C9orf152: variants seen among roughly 807,000 people sequenced by gnomAD.
The protein encoded by C9orf152 is uncharacterized protein C9orf152.
A neutral mutation model predicts 8.5 loss-of-function variants in C9orf152; 8 were observed. That is an observed-to-expected ratio of 0.94 (90% CI 0.55 to 1.70). The LOEUF (loss-of-function observed/expected upper bound fraction) is 1.70, where lower values mean the gene tolerates loss of function less well. Ranked by LOEUF, C9orf152 falls within the 40% of genes most tolerant of loss-of-function variation. The pLI is 0.00. For synonymous variants in C9orf152, 109 were observed against 113.0 expected, an observed-to-expected ratio of 0.96 and a Z score of 0.22; for missense variants, 293 against 286.2, an observed-to-expected ratio of 1.02 and a Z score of -0.17.
chr9:110,201,285 T>C lies in C9orf152; in HGVS notation c.383A>G (p.Gln128Arg). The change falls in exon 2 of 2, where the codon CAA (glutamine) becomes CGA (arginine). Residue 128 changes from glutamine to arginine, a missense_variant. Coordinates refer to ENST00000400613, the MANE Select transcript of C9orf152 (RefSeq NM_001012993.3). The part of the protein sequence containing the change: ...HTHLEMHCLV[Q>R]TSPQDTSHQV... ...ATGACTGGTGTCCTGGGGGGAGGTT[T>C]GGACCAAACAATGCATCTCCAGGTG... 6.2e-7 allele frequency: 1 copy of C among 1,614,086 alleles called. No individual in the cohort carries two copies. Among genetic ancestry groups the C allele is most frequent in the South Asian group, 1.1e-5 (1 of 91,076 alleles).
intron 1 of C9orf152, among the ~76,000 whole-genome samples, chr9:110,206,236 A>G (rs1264840282): frequency 6.6e-6 from 1 of 152,170 alleles, no homozygotes; most frequent in Admixed American, 6.5e-5. Context: ...AGCAGGAGAA[A>G]GGACGAGCAC....
rs1359865996 is a variant in C9orf152 at position 110,201,493 on chromosome 9, A to C, written c.194-19T>G. ...TTTCCTCCTGAAAAGAGAATGCACC[A>C]GCAGGGTCATCACTGGAAGGGACAG... On this transcript the variant is annotated intron_variant, in intron 1 of 1. Coordinates refer to ENST00000400613, the MANE Select transcript of C9orf152 (RefSeq NM_001012993.3). 2 of 1,501,048 alleles carry C rather than the reference A, an allele frequency of 1.3e-6. No homozygotes were observed. The highest frequency in any genetic ancestry group is 2.8e-5 in the African/African-American group (2 of 71,608). The allele number at this position is 1,501,048 out of a possible 1,614,324, so 93.0% of individuals were successfully genotyped here.
Position 110,201,325 on chromosome 9 carries a change from A to G in C9orf152, c.343T>C (p.Ser115Pro), listed in dbSNP as rs1837217922. ...ATCTCCAGGTGCGTGTGCCATGGAG[A>G]CTTGGGGGCCTGAAGGCAGCCCTGG... ...AAQGCLQAPK[S>P]PWHTHLEMHC... is the part of the protein sequence containing the mutation. Residue 115 changes from serine to proline, a missense_variant, in exon 2 of 2, where the codon TCT (serine) becomes CCT (proline). Ser to Pro is a moderately conservative substitution (Grantham distance 74, BLOSUM62 -1). Coordinates refer to ENST00000400613, the MANE Select transcript of C9orf152 (RefSeq NM_001012993.3). 6.2e-7 allele frequency: 1 copy of G among 1,612,560 alleles called. No homozygotes were observed. The highest frequency in any genetic ancestry group is 8.5e-7 in the Non-Finnish European group (1 of 1,179,332).
At position 110,201,459 on chromosome 9, in the gene C9orf152, G is replaced by A. The variant is rs199516049; in HGVS notation, c.209C>T (p.Ala70Val). The change falls in exon 2 of 2, where the codon GCT becomes GTT. Residue 70 changes from alanine to valine, a missense_variant. Transcript: ENST00000400613. ...LVLPKGGNTPAPAESMVNAVW... is the reference protein window; with the variant it reads ...LVLPKGGNTPVPAESMVNAVW... ...AGCATTGACCATCGATTCTGCAGGA[G>A]CAGGTGTGTTTCCTCCTGAAAAGAG... is the stretch of plus-strand genomic sequence containing the variant. 3.3e-5 allele frequency: 50 copies of A among 1,512,118 alleles called. No individual in the cohort carries two copies. Among genetic ancestry groups the A allele is most frequent in the Non-Finnish European group, 1.3e-5 (15 of 1,138,662 alleles). 93.7% of individuals were successfully genotyped at this position (1,512,118 alleles called of 1,614,324 possible).
In C9orf152 at chr9:110,200,341, G is replaced by A. The variant is rs1224742679; in HGVS notation, c.*607C>T. On this transcript the variant is annotated 3_prime_UTR_variant, in exon 2 of 2. Coordinates refer to ENST00000400613, the MANE Select transcript of C9orf152 (RefSeq NM_001012993.3). ...TAAAGACCCCTTAAAGACACAAAAT[G>A]GTAGGTAGCATTGATCTCACCTTCA... 1 of 152,266 alleles carries A rather than the reference G, an allele frequency of 6.6e-6. No homozygotes were observed. The highest frequency in any genetic ancestry group is 1.5e-5 in the Non-Finnish European group (1 of 68,152). 9.4% of individuals were successfully genotyped at this position (152,266 alleles called of 1,614,324 possible).
chr9:110,207,966 A>C lies in C9orf152; in HGVS notation c.-387T>G. ...GCAGGAGGAGGCAGGGAAAGGAGTG[A>C]TGGGGAGTGGGAGACCGAGAAGTAA... On this transcript the variant is annotated 5_prime_UTR_variant, in exon 1 of 2. Transcript: ENST00000400613. The C allele has an allele frequency of 4.8e-6, 1 of 210,332 alleles. No homozygotes were observed. The highest frequency in any genetic ancestry group is 9.3e-6 in the Non-Finnish European group (1 of 107,026). 13.0% of individuals were successfully genotyped at this position (210,332 alleles called of 1,614,324 possible).
intron 1 of C9orf152, among the ~76,000 whole-genome samples, chr9:110,202,490 C>T (rs1280219575): frequency 6.6e-6 from 1 of 152,198 alleles, no homozygotes; most frequent in Non-Finnish European, 1.5e-5. Context: ...TCTCCTAGTC[C>T]ACAGGCACTG....
At position 110,207,907 on chromosome 9, in the gene C9orf152, G is replaced by C. The variant is rs551229440; in HGVS notation, c.-328C>G. Reference sequence around the variant, plus strand: ...AGTGACAAGCGGGGATTAATGGGGCGAGAGAAGAAAGAGAGGGAGGAAGAT... The same window carrying C: ...AGTGACAAGCGGGGATTAATGGGGCCAGAGAAGAAAGAGAGGGAGGAAGAT... On this transcript the variant is annotated 5_prime_UTR_variant, in exon 1 of 2. Transcript: ENST00000400613. 7.7e-5 allele frequency: 20 copies of C among 259,502 alleles called. No individual in the cohort carries two copies. Among genetic ancestry groups the C allele is most frequent in the African/African-American group, 4.5e-4 (20 of 44,022 alleles). The allele number at this position is 259,502 out of a possible 1,614,324, so 16.1% of individuals were successfully genotyped here. A position where few individuals can be genotyped will look rare whatever the true frequency, so the allele number is the denominator to read the frequency against.
rs981893171 is a variant in C9orf152, at chr9:110,201,035, G to A, written c.633C>T (p.Gly211=). 2.5e-6 allele frequency: 4 copies of A among 1,614,102 alleles called. No individual in the cohort carries two copies. In the African/African-American group the frequency reaches 5.3e-5, roughly 22 times the overall value. The change falls in exon 2 of 2, where the codon GGC becomes GGT. Residue 211 remains glycine (G), a synonymous_variant. Transcript: ENST00000400613. ...GGGGAAATGGATAGTAAGCTGGTTT[G>A]CCAGACCTGTGTGGGTTCTTTATGG... ...PLSIKNPHRS[G]KPAYYPFPQR... is the part of the protein sequence containing the mutation.
chr9:110,202,155 A>G (rs993183395), intron 1 of C9orf152, among the ~76,000 whole-genome samples: 3 of 152,138 alleles, frequency 2.0e-5, no homozygotes, highest in Non-Finnish European at 4.4e-5. Flanking sequence ...ATCTTGGCTC[A>G]CTGCAACCTC....
rs915135098 is a variant in C9orf152, at chr9:110,207,565, G to A, written c.15C>T (p.Pro5=). The stretch of plus-strand genomic sequence containing the variant: ...AGTGGGGCAGGGCTGGGCACGGGCA[G>A]GGCAACCCCTCCATCCGGATCCGGG... The part of the protein sequence containing the change: MEGL[P]CPCPALPHFW... Residue 5 remains proline (P), a synonymous_variant, in exon 1 of 2, where the codon CCC becomes CCT. Transcript: ENST00000400613. 6 of 1,595,396 alleles carry A rather than the reference G, an allele frequency of 3.8e-6. No individual in the cohort carries two copies. Among genetic ancestry groups the A allele is most frequent in the Admixed American group, 1.8e-5 (1 of 56,022 alleles).
At chr9:110,203,854 C>T (rs773149081) in intron 1 of C9orf152, among the ~76,000 whole-genome samples, 5 of 152,036 alleles carry the variant, frequency 3.3e-5, no homozygotes, top group East Asian at 3.9e-4. Flanking sequence ...ATGAAGGAAG[C>T]GGGTGGAGAG....
intron 1 of C9orf152, among the ~76,000 whole-genome samples, chr9:110,203,080 T>A (rs1837240399): frequency 6.7e-6 from 1 of 149,084 alleles, no homozygotes; most frequent in Admixed American, 6.8e-5. Flanking sequence ...AATGGCGCGA[T>A]CTTGGCTCAC....
intron 1 of C9orf152, among the ~76,000 whole-genome samples, chr9:110,203,739 T>G (rs1405930848): frequency 6.6e-6 from 1 of 152,234 alleles, no homozygotes; most frequent in East Asian, 1.9e-4. Flanking sequence ...GTACTCGTTA[T>G]CTATAATACC....
chr9:110,207,300 C>A (rs1184087356), intron 1 of C9orf152, 87 bp downstream of exon 1: 1 of 1,468,848 alleles, frequency 6.8e-7, no homozygotes, highest in South Asian at 1.2e-5. Context: ...GGAGGGCTGG[C>A]AAAGCCCTGG....
intron 1 of C9orf152, among the ~76,000 whole-genome samples, chr9:110,205,800 G>A (rs188793708): frequency 3.2e-4 from 49 of 152,116 alleles, no homozygotes; most frequent in South Asian, 1.0e-3. Context: ...GGTGGTTCAC[G>A]CCCAGCACTT....
At position 110,200,311 on chromosome 9, in the gene C9orf152, C is replaced by T. The variant is rs1217151532; in HGVS notation, c.*637G>A. On this transcript the variant is annotated 3_prime_UTR_variant, in exon 2 of 2. Coordinates refer to ENST00000400613, the MANE Select transcript of C9orf152 (RefSeq NM_001012993.3). ...AGTGAGCAGTGACAGATGATTAGCC[C>T]TTTCTAAAGACCCCTTAAAGACACA... The T allele has an allele frequency of 1.3e-5, 2 of 152,178 alleles. No individual in the cohort carries two copies. The highest frequency in any genetic ancestry group is 2.9e-5 in the Non-Finnish European group (2 of 68,082). 9.4% of individuals were successfully genotyped at this position (152,178 alleles called of 1,614,324 possible). A position where few individuals can be genotyped will look rare whatever the true frequency, so the allele number is the denominator to read the frequency against.
Position 110,207,542 on chromosome 9 carries a change from TG to T in C9orf152, c.37del (p.His13ThrfsTer9). The part of the protein sequence containing the change: ...GLPCPCPALP[H>X]FWQLRSHLMA... ...TAAGTGAGACCTAAGCTGCCAGAAG[TG>T]GGGCAGGGCTGGGCACGGGCAGGGC... On this transcript the variant is annotated frameshift_variant, in exon 1 of 2. Transcript: ENST00000400613. LOFTEE classifies it high-confidence loss of function. The T allele has an allele frequency of 6.2e-7, 1 of 1,602,156 alleles. No homozygotes were observed. Among genetic ancestry groups the T allele is most frequent in the South Asian group, 1.1e-5 (1 of 89,538 alleles).
Position 110,207,864 on chromosome 9 carries a change from C to A in C9orf152, c.-285G>T, listed in dbSNP as rs915994344. 7.8e-6 allele frequency: 3 copies of A among 384,470 alleles called. No individual in the cohort carries two copies. The highest frequency in any genetic ancestry group is 1.4e-5 in the Non-Finnish European group (3 of 216,446). 23.8% of individuals were successfully genotyped at this position (384,470 alleles called of 1,614,324 possible). The stretch of plus-strand genomic sequence containing the variant: ...AGAAGGGGCAGCGAAGGGGGAAAGA[C>A]TGGAGGAAGGAGGTGATAGTGACAA... On this transcript the variant is annotated 5_prime_UTR_variant, in exon 1 of 2. Transcript: ENST00000400613.
Sources: allele counts gnomAD v4.1 joint callset (sites outside exome capture counted in the v4.1 genomes callset), GRCh38; gene constraint gnomAD v4.1.1; transcripts MANE v1.5; gene names NCBI Gene and HGNC (gene_info 2026-07-23, HGNC 2026-07-21).